Variants in AK4 observed in about 807,000 individuals in gnomAD.
AK4 encodes adenylate kinase 4, also known as adenylate kinase 4, mitochondrial.
AK4 carries 13 observed loss-of-function variants against 24.6 expected under a neutral mutation model. The ratio of observed to expected loss-of-function variants is 0.53; its 90% CI spans 0.34 to 0.84. AK4 has a LOEUF of 0.84. Ranked by LOEUF, AK4 falls within the 40% of genes least tolerant of loss-of-function variation. The probability of loss-of-function intolerance (pLI) is 0.01; values close to 1 mark genes in which losing one functional copy is unlikely to be tolerated. For missense variants in AK4, 192 were observed against 288.2 expected (o/e 0.67, Z 2.42); for synonymous variants, 88 against 107.0 (o/e 0.82, Z 1.10).
At chr1:65,201,221 T>C (rs1651654779) in intron 2 of AK4, among the ~76,000 whole-genome samples, 1 of 152,222 alleles carries the variant, frequency 6.6e-6, no homozygotes, top group Admixed American at 6.5e-5. Context: ...GCTGTCAATA[T>C]GAGCTCAGAG....
Position 65,210,393 on chromosome 1 carries a change from C to A in AK4, c.266-8361C>A, listed in dbSNP as rs74932867. 1.8e-3 allele frequency among the ~76,000 whole-genome samples: 267 copies of A among 152,248 alleles called. 4 individuals are homozygous for A. In the East Asian group the frequency reaches 0.048, roughly 27 times the overall value. ...CTCCTGTTCTCCTTTCTTTTATATC[C>A]GCTTCGGTTTCTTTATTATTGATTC... On this transcript the variant is annotated intron_variant, in intron 2 of 4. Coordinates refer to ENST00000327299, the MANE Select transcript of AK4 (RefSeq NM_013410.4).
intron 1 of AK4, among the ~76,000 whole-genome samples, chr1:65,168,309 G>A (rs555917619): frequency 9.2e-5 from 14 of 152,170 alleles, no homozygotes; most frequent in African/African-American, 3.4e-4. Flanking sequence ...ACCATGCCCA[G>A]CTAATTTTGT....
At chr1:65,182,208 A>AC (rs1650932502) in intron 1 of AK4, among the ~76,000 whole-genome samples, 1 of 152,198 alleles carries the variant, frequency 6.6e-6, no homozygotes, top group South Asian at 2.1e-4. Flanking sequence ...GGTGTGAGCT[A>AC]CAACACTCAG....
chr1:65,166,346 GTGTGTT>G (rs1432938730), intron 1 of AK4, among the ~76,000 whole-genome samples: 2 of 147,710 alleles, frequency 1.4e-5, no homozygotes, highest in Non-Finnish European at 3.0e-5. Context: ...GTGTGTGTGT[GTGTGTT>G]TACCACCCAG....
rs75056797 is a variant in AK4, at chr1:65,152,932, A to G, written c.145+4380A>G. On this transcript the variant is annotated intron_variant, in intron 1 of 4. Transcript: ENST00000327299. ...GAGACTTGGGAGCCAGAGTTCAACA[A>G]TGTATCTAAAACAGGTTTCAATAGT... Among the ~76,000 whole-genome samples the G allele has an allele frequency of 6.3e-3, 952 of 152,282 alleles. 23 individuals are homozygous for G. Among genetic ancestry groups the G allele is most frequent in the East Asian group, 0.025 (127 of 5,178 alleles).
At chr1:65,205,543 C>T (rs1264615867) in intron 2 of AK4, among the ~76,000 whole-genome samples, 1 of 152,168 alleles carries the variant, frequency 6.6e-6, no homozygotes, top group Middle Eastern at 3.2e-3. Context: ...CCCTTTTCCA[C>T]CTGTTTCAAG....
chr1:65,173,557 A>C (rs1441358239), intron 1 of AK4, among the ~76,000 whole-genome samples: 1 of 152,010 alleles, frequency 6.6e-6, no homozygotes, highest in Non-Finnish European at 1.5e-5. Context: ...ACTTCATCCC[A>C]TGTTGGACCC....
At chr1:65,199,740 G>A (rs774896366) in intron 2 of AK4, among the ~76,000 whole-genome samples, 1 of 152,088 alleles carries the variant, frequency 6.6e-6, no homozygotes, top group African/African-American at 2.4e-5. Flanking sequence ...GAATGCTCGG[G>A]ACCAGAAGTA....
chr1:65,177,951 A>AAG (rs1650772150), intron 1 of AK4, among the ~76,000 whole-genome samples: 1 of 151,730 alleles, frequency 6.6e-6, no homozygotes, highest in Admixed American at 6.6e-5. Context: ...AAAAAAAAAA[A>AAG]CATTGCTGCA....
intron 1 of AK4, among the ~76,000 whole-genome samples, chr1:65,156,783 G>T (rs147347486): frequency 1.7e-3 from 264 of 151,938 alleles, no homozygotes; most frequent in African/African-American, 6.2e-3. Flanking sequence ...TTAGCCGGGC[G>T]TGGTGGCACA....
At chr1:65,162,118 G>T (rs1191855445) in intron 1 of AK4, among the ~76,000 whole-genome samples, 1 of 152,160 alleles carries the variant, frequency 6.6e-6, no homozygotes, top group Non-Finnish European at 1.5e-5. Flanking sequence ...GGACGTGGTG[G>T]TGCAGGCCTG....
At chr1:65,202,866 C>CTT (rs34143736) in intron 2 of AK4, among the ~76,000 whole-genome samples, 1,364 of 91,734 alleles carry the variant, frequency 0.015, 78 homozygotes, top group East Asian at 0.14. Flanking sequence ...GCTGTGTAGT[C>CTT]TTTTTTTTTT....
chr1:65,153,667 A>G (rs919367876), intron 1 of AK4, among the ~76,000 whole-genome samples: 10 of 152,212 alleles, frequency 6.6e-5, no homozygotes, highest in African/African-American at 2.4e-4. Context: ...AGCAGCAAGT[A>G]AAAGTTACCC....
Position 65,192,457 on chromosome 1 carries a change from A to G in AK4, c.265+1628A>G, listed in dbSNP as rs187761003. 3.3e-5 allele frequency among the ~76,000 whole-genome samples: 5 copies of G among 152,346 alleles called. No individual in the cohort carries two copies. The South Asian group carries it at 8.3e-4, about 25-fold the overall frequency. On this transcript the variant is annotated intron_variant, in intron 2 of 4. Transcript: ENST00000327299. ...CATCTCCCATAACATTTCATTGCCAATTAAATTTCAACATGAGTTTTGGAG... is the reference window on the plus strand; with the variant it reads ...CATCTCCCATAACATTTCATTGCCAGTTAAATTTCAACATGAGTTTTGGAG...
chr1:65,228,514 G>C lies in AK4; in HGVS notation c.*2337G>C, dbSNP rs1280343649. The C allele has an allele frequency of 6.6e-6, 1 of 151,988 alleles. No homozygotes were observed. The allele number at this position is 151,988 out of a possible 1,614,324, so 9.4% of individuals were successfully genotyped here. On this transcript the variant is annotated 3_prime_UTR_variant, in exon 5 of 5. Coordinates refer to ENST00000327299, the MANE Select transcript of AK4 (RefSeq NM_013410.4). The stretch of plus-strand genomic sequence containing the variant: ...TGAGCAGTTTGGTCTCACCTCCCTC[G>C]CTAGTTGAGACCAAAAAGAGACAAA...
chr1:65,222,196 A>G (rs963021075), intron 3 of AK4, among the ~76,000 whole-genome samples: 2 of 152,100 alleles, frequency 1.3e-5, no homozygotes, highest in East Asian at 1.9e-4. Context: ...CCCTAACCTT[A>G]TTATACAAAT....
intron 1 of AK4, among the ~76,000 whole-genome samples, chr1:65,189,715 A>G (rs375468225): frequency 1.1e-4 from 17 of 151,866 alleles, no homozygotes; most frequent in African/African-American, 4.1e-4. Flanking sequence ...ACAGATTTAA[A>G]CTGATAGTTT....
rs372865759 is a variant in AK4, at chr1:65,184,180, G to A, written c.146-6530G>A. ...GTGATTGAATGGAATAGGTTGTTAA[G>A]ATGAATTGCCACAAAATTTATATTG... is the stretch of plus-strand genomic sequence containing the variant. On this transcript the variant is annotated intron_variant, in intron 1 of 4. Transcript: ENST00000327299. Among the ~76,000 whole-genome samples the A allele has an allele frequency of 6.8e-4, 103 of 152,238 alleles. No individual in the cohort carries two copies. In the Middle Eastern group the frequency reaches 0.027, roughly 40 times the overall value.
Position 65,163,694 on chromosome 1 carries a change from A to G in AK4, c.145+15142A>G, listed in dbSNP as rs574658805. Among the ~76,000 whole-genome samples, 18 of 152,336 alleles carry G rather than the reference A, an allele frequency of 1.2e-4. No individual in the cohort carries two copies. The South Asian group carries it at 1.9e-3, about 16-fold the overall frequency. On this transcript the variant is annotated intron_variant, in intron 1 of 4. Transcript: ENST00000327299. ...CGGATTTATCAAGACAGGAATTGCA[A>G]TGGAGAAAGAGTAATCCACGTAGAG... is the stretch of plus-strand genomic sequence containing the variant.
Sources: gnomAD v4.1 joint callset for allele counts (sites outside exome capture counted in the v4.1 genomes callset) on GRCh38, gnomAD v4.1.1 for gene constraint, MANE v1.5 for transcripts, NCBI Gene and HGNC (gene_info 2026-07-23, HGNC 2026-07-21) for gene names.